The following SF3A2 variants were observed in gnomAD, a reference collection of about 807,000 sequenced individuals.
SF3A2 encodes the protein SAP 62.
A neutral mutation model predicts 31.1 loss-of-function variants in SF3A2; 5 were observed. The observed-to-expected ratio is 0.16, with a 90% CI of 0.08 to 0.34. The LOEUF is 0.34. Among genes scored for constraint, SF3A2 ranks in the 10% least tolerant of loss-of-function variants. SF3A2 has a pLI of 1.00. For missense variants in SF3A2, 577 were observed against 643.9 expected (o/e 0.90, Z 1.13); for synonymous variants, 365 against 263.7 (o/e 1.38, Z -3.72).
intron 1 of SF3A2, among the ~76,000 whole-genome samples, chr19:2,241,407 T>C (rs757595): frequency 0.88 from 134,310 of 152,198 alleles, 59,438 homozygotes; most frequent in Non-Finnish European, 0.92. Flanking sequence ...GGAGGCTGCT[T>C]GCTGGGCTCC....
chr19:2,246,120 A>G lies in SF3A2; in HGVS notation c.355+565A>G, dbSNP rs2024930102. Among the ~76,000 whole-genome samples, 1 of 152,228 alleles carries G rather than the reference A, an allele frequency of 6.6e-6. No homozygotes were observed. Among genetic ancestry groups the G allele is most frequent in the Non-Finnish European group, 1.5e-5 (1 of 68,032 alleles). ...CAGCCTGTGTGCCTGGCCTCCAGAC[A>G]GAAGCCTGCAGGGCAGAGGTCCCGG... On this transcript the variant is annotated intron_variant, in intron 5 of 8. Transcript: ENST00000221494. This position sits in a 1 kb window ranked among gnomAD's most constrained non-coding sequence, Gnocchi z 5.5.
intron 1 of SF3A2, among the ~76,000 whole-genome samples, chr19:2,240,642 C>T (rs1216205957): frequency 2.6e-5 from 4 of 152,212 alleles, no homozygotes; most frequent in African/African-American, 4.8e-5. Context: ...GCCGCTGGGG[C>T]GTTCTGTCTG....
chr19:2,242,603 C>T (rs141951313), intron 1 of SF3A2, among the ~76,000 whole-genome samples: 1 of 152,300 alleles, frequency 6.6e-6, no homozygotes, highest in Non-Finnish European at 1.5e-5. Context: ...GTGATTCACT[C>T]AGTCTCATGG....
rs529948367 is a variant in SF3A2, at chr19:2,246,348, A to G, written c.356-405A>G. Among the ~76,000 whole-genome samples, 8 of 152,206 alleles carry G rather than the reference A, an allele frequency of 5.3e-5. No individual in the cohort carries two copies. The highest frequency in any genetic ancestry group is 5.2e-4 in the Admixed American group (8 of 15,298). ...TCCAGGCTGCTGAGCTCTGGCGGGA[A>G]GGGCATCCTCTCTCGCTCACCGTAT... On this transcript the variant is annotated intron_variant, in intron 5 of 8. Transcript: ENST00000221494. This position sits in a 1 kb window ranked among gnomAD's most constrained non-coding sequence, Gnocchi z 5.5.
At chr19:2,244,637 G>T (rs764175255) in intron 3 of SF3A2, 22 bp downstream of exon 3, 9 of 1,612,956 alleles carry the variant, frequency 5.6e-6, no homozygotes, top group Non-Finnish European at 6.8e-6. Context: ...GCCTGGCTCC[G>T]GGCGGCTCGC....
At chr19:2,239,911 G>A (rs1030606162) in intron 1 of SF3A2, among the ~76,000 whole-genome samples, 18 of 152,036 alleles carry the variant, frequency 1.2e-4, no homozygotes, top group African/African-American at 4.3e-4. Flanking sequence ...CTGGGTTTGT[G>A]GTGCAGTGGC....
At chr19:2,239,404 G>C (rs943587745) in intron 1 of SF3A2, among the ~76,000 whole-genome samples, 1 of 150,584 alleles carries the variant, frequency 6.6e-6, no homozygotes, top group African/African-American at 2.4e-5. Flanking sequence ...TATTTGCTCA[G>C]AACTGTGAAA....
Position 2,245,251 on chromosome 19 carries a change from G to A in SF3A2, c.246-195G>A. Reference sequence around the variant, plus strand: ...AAGGGCCCCAGCCAGGGACAGTGAGGAGCATGACAGGAAGAGAACATGCCT... The same window carrying A: ...AAGGGCCCCAGCCAGGGACAGTGAGAAGCATGACAGGAAGAGAACATGCCT... On this transcript the variant is annotated intron_variant, in intron 4 of 8. Coordinates refer to ENST00000221494, the MANE Select transcript of SF3A2 (RefSeq NM_007165.5). This position sits in a 1 kb window ranked among gnomAD's most constrained non-coding sequence, Gnocchi z 4.2. 3 of 560,388 alleles carry A rather than the reference G, an allele frequency of 5.4e-6. No homozygotes were observed. Among genetic ancestry groups the A allele is most frequent in the Middle Eastern group, 4.7e-4 (1 of 2,138 alleles). 34.7% of individuals were successfully genotyped at this position (560,388 alleles called of 1,614,324 possible). A position where few individuals can be genotyped will look rare whatever the true frequency, so the allele number is the denominator to read the frequency against.
In SF3A2 at chr19:2,243,027, G is replaced by T. The variant is rs535559125; in HGVS notation, c.-37-355G>T. 3.9e-5 allele frequency among the ~76,000 whole-genome samples: 6 copies of T among 152,330 alleles called. No individual in the cohort carries two copies. In the East Asian group the frequency reaches 7.7e-4, roughly 20 times the overall value. On this transcript the variant is annotated intron_variant, in intron 1 of 8. Coordinates refer to ENST00000221494, the MANE Select transcript of SF3A2 (RefSeq NM_007165.5). ...GCTTCCTGGAGGTGGTGACTCGTTT[G>T]TGAGATCTTGGTCTTGTCTTCCCTT...
intron 1 of SF3A2, among the ~76,000 whole-genome samples, chr19:2,242,746 C>T (rs1015079297): frequency 2.0e-5 from 3 of 152,154 alleles, no homozygotes; most frequent in Non-Finnish European, 2.9e-5. Context: ...CCTGAAAGGG[C>T]GTGGGAGACC....
chr19:2,238,267 C>A (rs1359187552), intron 1 of SF3A2, among the ~76,000 whole-genome samples: 8 of 152,192 alleles, frequency 5.3e-5, no homozygotes, highest in Non-Finnish European at 8.8e-5. Flanking sequence ...GGTGATCCAC[C>A]TGCCACGGCC....
chr19:2,248,437 AC>A lies in SF3A2; in HGVS notation c.1290del (p.Ser431GlnfsTer15). On this transcript the variant is annotated frameshift_variant, in exon 9 of 9. Coordinates refer to ENST00000221494, the MANE Select transcript of SF3A2 (RefSeq NM_007165.5). LOFTEE classifies it high-confidence loss of function. ...GTCCACCCTCAGCCTCCGGGAGTTC[AC>A]CCCTCAAATCCTGGGGTGCACCCCC... ...PGVHPQPPGVHPSNPGVHPPT... is the reference protein window; with the variant it reads ...PGVHPQPPGVXPSNPGVHPPT... 7.4e-7 allele frequency: 1 copy of A among 1,356,522 alleles called. No homozygotes were observed. The highest frequency in any genetic ancestry group is 9.5e-7 in the Non-Finnish European group (1 of 1,056,052). 84.0% of individuals were successfully genotyped at this position (1,356,522 alleles called of 1,614,324 possible).
Position 2,243,462 on chromosome 19 carries a change from G to A in SF3A2, c.44G>A (p.Gly15Asp). The A allele has an allele frequency of 2.6e-6, 4 of 1,556,466 alleles. No individual in the cohort carries two copies. Among genetic ancestry groups the A allele is most frequent in the Non-Finnish European group, 3.5e-6 (4 of 1,158,016 alleles). Residue 15 changes from glycine (G) to aspartate (D), a missense_variant, in exon 2 of 9, where the codon GGC becomes GAC. Gly to Asp is a moderately conservative substitution (Grantham distance 94). Transcript: ENST00000221494. ...HRPGGKTGSG[G>D]VASSSESNRD... ...CCCGGGGGCAAGACCGGGAGCGGGG[G>A]CGTGGCCTCCTCCTCCGAGAGCAAC...
Position 2,247,758 on chromosome 19 carries a change from T to A in SF3A2, c.616-9T>A. On this transcript the variant is annotated splice_polypyrimidine_tract_variant and intron_variant, in intron 8 of 8. Coordinates refer to ENST00000221494, the MANE Select transcript of SF3A2 (RefSeq NM_007165.5). ...CCCGTGCCTGCTGAACCTTTCTCCG[T>A]CTCTCTAGTTCTTCCTCCAGTTCCA... The A allele has an allele frequency of 6.2e-7, 1 of 1,610,630 alleles. No individual in the cohort carries two copies. Among genetic ancestry groups the A allele is most frequent in the Non-Finnish European group, 8.5e-7 (1 of 1,178,734 alleles).
At chr19:2,243,289 T>C in intron 1 of SF3A2, 93 bp from the exon 2 acceptor site, 1 of 1,055,168 alleles carries the variant, frequency 9.5e-7, no homozygotes, top group South Asian at 1.8e-5. Flanking sequence ...TGAGGGGCAG[T>C]CTCGAGGGCT....
In SF3A2 at chr19:2,246,089, C is replaced by T. The variant is rs967802784; in HGVS notation, c.355+534C>T. ...CCCAGCAAGTGTTCTTTACAGAAGG[C>T]GGGGACAGCCTGTGTGCCTGGCCTC... On this transcript the variant is annotated intron_variant, in intron 5 of 8. Transcript: ENST00000221494. This position sits in a 1 kb window ranked among gnomAD's most constrained non-coding sequence, Gnocchi z 5.5. Among the ~76,000 whole-genome samples the T allele has an allele frequency of 3.3e-5, 5 of 152,168 alleles. No individual in the cohort carries two copies. The highest frequency in any genetic ancestry group is 4.4e-5 in the Non-Finnish European group (3 of 68,028).
intron 1 of SF3A2, among the ~76,000 whole-genome samples, chr19:2,238,086 C>T (rs1358003656): frequency 6.6e-6 from 1 of 152,140 alleles, no homozygotes; most frequent in Non-Finnish European, 1.5e-5. Flanking sequence ...TGCAGTGGTG[C>T]AATCACAGCT....
At chr19:2,243,659 C>T (rs1030646186) in intron 2 of SF3A2, 115 bp downstream of exon 2, 62 of 1,203,816 alleles carry the variant, frequency 5.2e-5, no homozygotes, top group African/African-American at 2.7e-4. Flanking sequence ...GATGCAGCCC[C>T]GTGTCCAGAC....
At chr19:2,237,331 C>G (rs1028105251) in intron 1 of SF3A2, 2 of 147,784 alleles carry the variant, frequency 1.4e-5, no homozygotes, top group African/African-American at 2.5e-5. Flanking sequence ...CGCTTGAGCT[C>G]GGAATGTCGA....
Sources: gnomAD v4.1 joint callset for allele counts (sites outside exome capture counted in the v4.1 genomes callset) on GRCh38, gnomAD v4.1.1 for gene constraint, Gnocchi (gnomAD v3.1) non-coding constraint, MANE v1.5 for transcripts, NCBI Gene and HGNC (gene_info 2026-07-23, HGNC 2026-07-21) for gene names.